Variants in MPDZ observed in about 807,000 individuals in gnomAD.
MPDZ encodes multiple PDZ domain protein.
A neutral mutation model predicts 239.1 loss-of-function variants in MPDZ; 234 were observed. The ratio of observed to expected loss-of-function variants is 0.98; its 90% CI spans 0.88 to 1.09. The LOEUF (loss-of-function observed/expected upper bound fraction) is 1.09, where lower values mean the gene tolerates loss of function less well. Among genes scored for constraint, MPDZ ranks in the 50% least tolerant of loss-of-function variants. The pLI, the probability that MPDZ is intolerant of heterozygous loss-of-function variation, is 0.00. For missense variants in MPDZ, 3,175 were observed against 2,510.0 expected, an observed-to-expected ratio of 1.26 and a Z score of -5.66; for synonymous variants, 1,048 against 881.3, an observed-to-expected ratio of 1.19 and a Z score of -3.35.
At chr9:13,252,375 G>A (rs950569691) in intron 1 of MPDZ, among the ~76,000 whole-genome samples, 2 of 151,556 alleles carry the variant, frequency 1.3e-5, no homozygotes, top group Non-Finnish European at 2.9e-5. Context: ...AGACCATCCT[G>A]GCCAACATGG....
In MPDZ at chr9:13,260,344, T is replaced by C. The variant is rs572553766; in HGVS notation, c.-57-9972A>G. Among the ~76,000 whole-genome samples, 6 of 152,246 alleles carry C rather than the reference T, an allele frequency of 3.9e-5. No individual in the cohort carries two copies. In the South Asian group the frequency reaches 1.0e-3, roughly 26 times the overall value. On this transcript the variant is annotated intron_variant, in intron 1 of 46. Coordinates refer to ENST00000319217, the MANE Select transcript of MPDZ (RefSeq NM_001378778.1). ...ATTAAGATTAGTTAAGAGATGTAAG[T>C]ACTGTGACATGGTAATATGGAGGTA...
intron 3 of MPDZ, among the ~76,000 whole-genome samples, chr9:13,235,215 G>C (rs907513357): frequency 1.3e-5 from 2 of 151,644 alleles, no homozygotes; most frequent in Non-Finnish European, 3.0e-5. Flanking sequence ...CATGTTCAAA[G>C]GGAATTAGCT....
chr9:13,193,186 C>T lies in MPDZ; in HGVS notation c.1784G>A (p.Ser595Asn). The change falls in exon 14 of 47, where the codon AGT (serine) becomes AAT (asparagine). Residue 595 changes from serine (S) to asparagine (N), a missense_variant. Physicochemically the swap from Ser to Asn is conservative, Grantham distance 46. Transcript: ENST00000319217. ...GPVGHSGKLFSGDELLEVNGI... is the reference protein window; with the variant it reads ...GPVGHSGKLFNGDELLEVNGI... Reference sequence around the variant, plus strand: ...CCTTACTTCCAATAGCTCGTCTCCACTGAAGAGCTTCCCGCTGTGTCCAAC... The same window carrying T: ...CCTTACTTCCAATAGCTCGTCTCCATTGAAGAGCTTCCCGCTGTGTCCAAC... The T allele has an allele frequency of 1.3e-6, 2 of 1,592,622 alleles. No homozygotes were observed. Among genetic ancestry groups the T allele is most frequent in the Non-Finnish European group, 1.7e-6 (2 of 1,167,926 alleles).
intron 3 of MPDZ, among the ~76,000 whole-genome samples, chr9:13,228,338 T>C (rs1305617501): frequency 6.6e-6 from 1 of 152,058 alleles, no homozygotes; most frequent in African/African-American, 2.4e-5. Flanking sequence ...CTAAATATTA[T>C]ACAACTTATT....
intron 36 of MPDZ, among the ~76,000 whole-genome samples, chr9:13,122,785 G>C (rs1944550109): frequency 6.6e-6 from 1 of 152,076 alleles, no homozygotes; most frequent in Admixed American, 6.6e-5. Flanking sequence ...CTAAAGTGCT[G>C]GGATTACAGG....
At chr9:13,130,397 T>C (rs1310659412) in intron 32 of MPDZ, among the ~76,000 whole-genome samples, 2 of 152,166 alleles carry the variant, frequency 1.3e-5, no homozygotes, top group Non-Finnish European at 2.9e-5. Context: ...ATCTCAACAT[T>C]TTTCCCCTTA....
intron 8 of MPDZ, among the ~76,000 whole-genome samples, chr9:13,218,572 C>A (rs1383492983): frequency 6.6e-5 from 10 of 151,790 alleles, no homozygotes; most frequent in Admixed American, 6.6e-5. Flanking sequence ...CAACCAAATT[C>A]AATCCTAAAA....
At chr9:13,219,904 A>G (rs1294472460) in intron 7 of MPDZ, 136 bp from the exon 8 acceptor site, 2 of 766,950 alleles carry the variant, frequency 2.6e-6, no homozygotes, top group Non-Finnish European at 4.2e-6. Flanking sequence ...ACACATGGGT[A>G]TAATATTAAC....
chr9:13,112,865 A>G, intron 42 of MPDZ, 146 bp downstream of exon 42: 1 of 805,574 alleles, frequency 1.2e-6, no homozygotes, highest in Non-Finnish European at 2.0e-6. Flanking sequence ...ATTAAGGACT[A>G]CATTATGTTA....
intron 12 of MPDZ, among the ~76,000 whole-genome samples, 172 bp from the exon 13 acceptor site, chr9:13,196,402 T>C (rs1955656340): frequency 6.6e-6 from 1 of 152,184 alleles, no homozygotes; most frequent in Non-Finnish European, 1.5e-5. Flanking sequence ...TTAAGAACCC[T>C]ATAATTTGTA....
chr9:13,200,545 G>C (rs1956263160), intron 12 of MPDZ, among the ~76,000 whole-genome samples: 1 of 151,858 alleles, frequency 6.6e-6, no homozygotes, highest in South Asian at 2.1e-4. Flanking sequence ...TTTGATGTAG[G>C]TATTTGTTGT....
intron 1 of MPDZ, among the ~76,000 whole-genome samples, chr9:13,269,775 C>A (rs1009269040): frequency 3.3e-5 from 5 of 152,184 alleles, no homozygotes; most frequent in Admixed American, 3.3e-4. Context: ...GTAGTCCACA[C>A]TGCTGAGAAT....
Position 13,193,332 on chromosome 9 carries a change from AG to A in MPDZ, c.1657-20del. On this transcript the variant is annotated intron_variant, in intron 13 of 46. Transcript: ENST00000319217. ...GGGCCACCTGAAAAGAAAAAAAAAA[AG>A]ATCACCACAATTTTTATATTCTTTT... 1 of 1,568,270 alleles carries A rather than the reference AG, an allele frequency of 6.4e-7. No individual in the cohort carries two copies.
chr9:13,186,391 AG>A lies in MPDZ; in HGVS notation c.2365-6del. 1.9e-6 allele frequency: 3 copies of A among 1,543,066 alleles called. No individual in the cohort carries two copies. Among genetic ancestry groups the A allele is most frequent in the Non-Finnish European group, 2.6e-6 (3 of 1,134,702 alleles). ...ATAACCTTCTTCTGGTGAAAGCTGC[AG>A]GGAAAAAATGGTATTCATGGAAAAG... On this transcript the variant is annotated splice_polypyrimidine_tract_variant and splice_region_variant and intron_variant, in intron 17 of 46. Coordinates refer to ENST00000319217, the MANE Select transcript of MPDZ (RefSeq NM_001378778.1).
intron 19 of MPDZ, among the ~76,000 whole-genome samples, chr9:13,183,165 A>G (rs1953595207): frequency 1.3e-5 from 2 of 152,214 alleles, no homozygotes; most frequent in Middle Eastern, 3.4e-3. Context: ...TCTGACATGC[A>G]AACCCTAATC....
chr9:13,201,089 T>C (rs574620612), intron 12 of MPDZ, among the ~76,000 whole-genome samples: 37 of 152,030 alleles, frequency 2.4e-4, no homozygotes, highest in Non-Finnish European at 5.1e-4. Context: ...GGTGCTCTGA[T>C]GTTGGGTGTA....
chr9:13,110,505 C>A (rs922812239), intron 44 of MPDZ, 131 bp downstream of exon 44: 2 of 697,586 alleles, frequency 2.9e-6, no homozygotes, highest in Admixed American at 2.5e-5. Context: ...TTAATTTAAT[C>A]ATTTATGTTC....
chr9:13,229,674 GA>G (rs1016194883), intron 3 of MPDZ, among the ~76,000 whole-genome samples: 1 of 151,074 alleles, frequency 6.6e-6, no homozygotes, highest in Admixed American at 6.6e-5. Flanking sequence ...ATCTTGGGCA[GA>G]AAAAAAATTA....
At chr9:13,119,879 T>C (rs1944070890) in intron 38 of MPDZ, 1 of 533,556 alleles carries the variant, frequency 1.9e-6, no homozygotes, top group Non-Finnish European at 3.3e-6. Context: ...GCATATTTAT[T>C]CTTCATCATT....
Sources: gnomAD v4.1 joint callset for allele counts (sites outside exome capture counted in the v4.1 genomes callset) on GRCh38, gnomAD v4.1.1 for gene constraint, MANE v1.5 for transcripts, NCBI Gene and HGNC (gene_info 2026-07-23, HGNC 2026-07-21) for gene names.